The following HDAC9 variants were observed in gnomAD, a reference collection of about 807,000 sequenced individuals.
HDAC9 encodes the protein histone deacetylase 9, also known as MEF-2 interacting transcription repressor (MITR) protein.
Under a neutral mutation model 139.4 loss-of-function variants are expected in HDAC9, and 41 were observed. The ratio of observed to expected loss-of-function variants is 0.29; its 90% CI spans 0.23 to 0.38. HDAC9 has a LOEUF of 0.38. HDAC9 is among the 10% of genes least tolerant of loss of function. The pLI is 1.00. For missense variants in HDAC9, 1,147 were observed against 1,297.0 expected (o/e 0.88, Z 1.78); for synonymous variants, 517 against 476.2 (o/e 1.09, Z -1.12).
chr7:18,701,817 C>G (rs952656223), intron 12 of HDAC9, among the ~76,000 whole-genome samples: 9 of 152,184 alleles, frequency 5.9e-5, no homozygotes, highest in Non-Finnish European at 8.8e-5. Context: ...ATAAATTCAC[C>G]TGGAGAGAGT....
chr7:18,411,672 G>C (rs556854740), intron 1 of HDAC9, among the ~76,000 whole-genome samples: 5 of 152,226 alleles, frequency 3.3e-5, no homozygotes, highest in Non-Finnish European at 5.9e-5. Context: ...ACTGTGCCCA[G>C]CTAGCTTTTT....
chr7:18,723,169 A>G (rs999236178), intron 12 of HDAC9, among the ~76,000 whole-genome samples: 2 of 152,050 alleles, frequency 1.3e-5, no homozygotes, highest in African/African-American at 4.8e-5. Context: ...ATTGCTTATA[A>G]TATGTTTCCT....
chr7:18,229,552 C>T (rs1436402623), intron 2 of HDAC9, among the ~76,000 whole-genome samples: 1 of 152,138 alleles, frequency 6.6e-6, no homozygotes, highest in Non-Finnish European at 1.5e-5. Context: ...ACAGCAGCTG[C>T]CAAGTTCTCT....
chr7:18,870,621 A>G (rs1296429805), intron 21 of HDAC9, among the ~76,000 whole-genome samples: 7 of 152,166 alleles, frequency 4.6e-5, no homozygotes, highest in Non-Finnish European at 1.0e-4. Flanking sequence ...TTATGCAAAT[A>G]TAATGATTGA....
chr7:18,140,859 A>G (rs997053913), intron 1 of HDAC9, among the ~76,000 whole-genome samples: 3 of 151,510 alleles, frequency 2.0e-5, no homozygotes, highest in Admixed American at 6.6e-5. Context: ...TTGACACAGC[A>G]TTTAATTTGG....
intron 21 of HDAC9, among the ~76,000 whole-genome samples, chr7:18,855,046 C>T (rs941988945): frequency 5.3e-5 from 8 of 152,036 alleles, no homozygotes; most frequent in Non-Finnish European, 7.4e-5. Context: ...AAGTGATTGG[C>T]GTCAGATTTC....
At chr7:18,357,745 T>G (rs1020847384) in intron 1 of HDAC9, among the ~76,000 whole-genome samples, 1 of 152,038 alleles carries the variant, frequency 6.6e-6, no homozygotes, top group African/African-American at 2.4e-5. Context: ...GAACAGAGTA[T>G]GAGAAGGCCC....
intron 1 of HDAC9, among the ~76,000 whole-genome samples, chr7:18,344,459 A>G (rs991603993): frequency 3.9e-5 from 6 of 152,134 alleles, no homozygotes; most frequent in Middle Eastern, 3.4e-3. Flanking sequence ...CTGATTTCAC[A>G]TATAGATTAT....
At chr7:18,566,185 T>G (rs1364051525) in intron 2 of HDAC9, among the ~76,000 whole-genome samples, 1 of 152,230 alleles carries the variant, frequency 6.6e-6, no homozygotes, top group African/African-American at 2.4e-5. Context: ...TTGCTATTTA[T>G]TATGGAAAGT....
intron 2 of HDAC9, among the ~76,000 whole-genome samples, chr7:18,250,584 A>C (rs1471030322): frequency 6.6e-6 from 1 of 152,212 alleles, no homozygotes; most frequent in Non-Finnish European, 1.5e-5. Flanking sequence ...CACTTAGCTG[A>C]GAGCCTTACA....
chr7:18,911,178 T>G (rs1212490378), intron 22 of HDAC9, among the ~76,000 whole-genome samples: 1 of 150,670 alleles, frequency 6.6e-6, no homozygotes, highest in Non-Finnish European at 1.5e-5. Context: ...TTAATCATGG[T>G]AGGTTGTATG....
chr7:18,167,794 A>T (rs896164665), intron 2 of HDAC9, among the ~76,000 whole-genome samples: 1 of 152,202 alleles, frequency 6.6e-6, no homozygotes, highest in African/African-American at 2.4e-5. Flanking sequence ...AAAGTAGTCT[A>T]GCAGTACTCC....
chr7:18,438,941 G>A (rs1562988130), intron 1 of HDAC9, among the ~76,000 whole-genome samples: 1 of 152,130 alleles, frequency 6.6e-6, no homozygotes, highest in Non-Finnish European at 1.5e-5. Flanking sequence ...GGGCATCAGA[G>A]AAGTGAAAAT....
At chr7:18,272,950 CTACTACTACTACTACT>C (rs1796456022) in intron 2 of HDAC9, among the ~76,000 whole-genome samples, 1 of 93,210 alleles carries the variant, frequency 1.1e-5, no homozygotes, top group African/African-American at 3.1e-5. Context: ...ACTACTACTA[CTACTACTACTACTACT>C]ATTTCTTCCT....
intron 1 of HDAC9, among the ~76,000 whole-genome samples, chr7:18,376,474 C>T (rs10486299): frequency 0.31 from 47,293 of 151,982 alleles, 7,904 homozygotes; most frequent in East Asian, 0.46. Flanking sequence ...TATATTAGGA[C>T]TTCTGGCACT....
chr7:18,727,737 T>G lies in HDAC9; in HGVS notation c.1889T>G (p.Leu630Arg). Residue 630 changes from leucine to arginine, a missense_variant, in exon 13 of 26, where the codon CTC becomes CGC. By Grantham distance (102) the Leu-to-Arg change is moderately radical. Around this residue, in one of 7 missense-constraint regions of HDAC9, gnomAD observed 256 missense variants for 219.2 expected, o/e 1.17. Coordinates refer to ENST00000686413, the MANE Select transcript of HDAC9 (RefSeq NM_178425.4). The part of the protein sequence containing the change: ...VLPHPAMDRP[L>R]QPGSATGIAY... ...CCTCACCCAGCAATGGACCGCCCCC[T>G]CCAGCCTGGCTCTGCAACTGGTAGG... The G allele has an allele frequency of 1.3e-6, 2 of 1,541,654 alleles. No homozygotes were observed. Among genetic ancestry groups the G allele is most frequent in the Non-Finnish European group, 1.7e-6 (2 of 1,152,462 alleles).
At chr7:18,896,329 G>A (rs978445330) in intron 22 of HDAC9, among the ~76,000 whole-genome samples, 1 of 152,026 alleles carries the variant, frequency 6.6e-6, no homozygotes, top group African/African-American at 2.4e-5. Flanking sequence ...AGAAAAATAT[G>A]TATATTTTTT....
Position 18,852,660 on chromosome 7 carries a change from A to C in HDAC9, c.2684+16663A>C, listed in dbSNP as rs549089537. ...ATTGGAGTGAAACAATGGACACTGC[A>C]CCATGGAATGAGCCTTAAGTAAAAT... On this transcript the variant is annotated intron_variant, in intron 21 of 25. Transcript: ENST00000686413. Among the ~76,000 whole-genome samples the C allele has an allele frequency of 1.6e-4, 25 of 152,292 alleles. 1 individual carries two copies. In the South Asian group the frequency reaches 4.6e-3, roughly 28 times the overall value.
chr7:18,824,538 A>C (rs1795266654), intron 17 of HDAC9, among the ~76,000 whole-genome samples: 1 of 152,180 alleles, frequency 6.6e-6, no homozygotes, highest in Non-Finnish European at 1.5e-5. Context: ...AGGATAGGAG[A>C]GTAGGATGCT....
Sources: allele counts gnomAD v4.1 joint callset (sites outside exome capture counted in the v4.1 genomes callset), GRCh38; gene constraint gnomAD v4.1.1; regional missense constraint gnomAD v4.1.1; transcripts MANE v1.5; gene names NCBI Gene and HGNC (gene_info 2026-07-23, HGNC 2026-07-21).